The following DNAH9 variants were observed in gnomAD, a reference collection of about 807,000 sequenced individuals.
DNAH9 encodes the protein DNAH9 variant protein.
Under a neutral mutation model 471.6 loss-of-function variants are expected in DNAH9, and 345 were observed. The observed-to-expected ratio is 0.73, with a 90% CI of 0.67 to 0.80. The LOEUF (loss-of-function observed/expected upper bound fraction) is 0.80, where lower values mean the gene tolerates loss of function less well. DNAH9 is among the 30% of genes least tolerant of loss of function. The pLI is 0.00. For missense variants in DNAH9, 5,407 were observed against 5,609.2 expected, an observed-to-expected ratio of 0.96 and a Z score of 1.15; for synonymous variants, 2,093 against 2,123.6, an observed-to-expected ratio of 0.99 and a Z score of 0.40.
chr17:11,703,763 A>G (rs2074644920), intron 24 of DNAH9, among the ~76,000 whole-genome samples: 1 of 152,238 alleles, frequency 6.6e-6, no homozygotes, highest in Non-Finnish European at 1.5e-5. Context: ...TGTGTGCCAC[A>G]GATGATCAGC....
At chr17:11,945,271 T>G (rs1277142001) in intron 67 of DNAH9, among the ~76,000 whole-genome samples, 1 of 152,186 alleles carries the variant, frequency 6.6e-6, no homozygotes, top group Non-Finnish European at 1.5e-5. Context: ...GCTCAGTGGC[T>G]CATGCCTGTA....
intron 63 of DNAH9, among the ~76,000 whole-genome samples, chr17:11,931,703 C>T (rs1261030140): frequency 2.0e-5 from 3 of 152,196 alleles, no homozygotes; most frequent in African/African-American, 7.2e-5. Context: ...CACCCCGGTA[C>T]ATAACATTCT....
intron 23 of DNAH9, 124 bp downstream of exon 23, chr17:11,700,007 C>T (rs1475094923): frequency 1.1e-6 from 1 of 920,102 alleles, no homozygotes; most frequent in Non-Finnish European, 1.6e-6. Flanking sequence ...TCCATGCCCT[C>T]CAAGAGCCAG....
chr17:11,934,653 C>G (rs910808713), intron 65 of DNAH9, among the ~76,000 whole-genome samples: 1 of 151,906 alleles, frequency 6.6e-6, no homozygotes, highest in Admixed American at 6.6e-5. Context: ...GGGGTTTCAC[C>G]CTGTTAGCCA....
At chr17:11,688,775 G>C (rs1013725557) in intron 19 of DNAH9, among the ~76,000 whole-genome samples, 1 of 152,144 alleles carries the variant, frequency 6.6e-6, no homozygotes, top group African/African-American at 2.4e-5. Context: ...TCAAGGTTGG[G>C]CTCCTGAGTC....
chr17:11,611,647 C>T lies in DNAH9; in HGVS notation c.774-3C>T, dbSNP rs184919886. On this transcript the variant is annotated splice_region_variant and splice_polypyrimidine_tract_variant and intron_variant, in intron 3 of 68. Coordinates refer to ENST00000262442, the MANE Select transcript of DNAH9 (RefSeq NM_001372.4). ...GGATTCACCCTTCTTCATGATATTG[C>T]AGGTATGAAGATCTGAAATACATCT... The T allele has an allele frequency of 5.5e-5, 89 of 1,613,382 alleles. No homozygotes were observed. The East Asian group carries it at 1.7e-3, about 32-fold the overall frequency.
chr17:11,795,489 G>A (rs141178074), intron 42 of DNAH9, among the ~76,000 whole-genome samples: 3 of 152,128 alleles, frequency 2.0e-5, no homozygotes, highest in Non-Finnish European at 4.4e-5. Context: ...GAAGATATCT[G>A]CAGTCCATCC....
rs2075394825 is a variant in DNAH9, at chr17:11,738,992, A to G, written c.5927A>G (p.Tyr1976Cys). Residue 1976 changes from tyrosine to cysteine, a missense_variant, in exon 29 of 69, where the codon TAT (tyrosine) becomes TGT (cysteine). Transcript: ENST00000262442. ...VGIFITMNPGYAGRTELPENL... is the reference protein window; with the variant it reads ...VGIFITMNPGCAGRTELPENL... ...ATCTTCATCACCATGAACCCAGGCT[A>G]TGCTGGCCGCACAGAGCTGCCAGAG... 3.1e-6 allele frequency: 5 copies of G among 1,614,156 alleles called. No homozygotes were observed. The highest frequency in any genetic ancestry group is 4.2e-6 in the Non-Finnish European group (5 of 1,179,980).
At chr17:11,838,122 C>T (rs188705780) in intron 49 of DNAH9, among the ~76,000 whole-genome samples, 312 of 152,206 alleles carry the variant, frequency 2.0e-3, no homozygotes, top group African/African-American at 7.3e-3. Flanking sequence ...TTGATATAAC[C>T]ATAATGGGGA....
At chr17:11,960,804 A>T (rs1976084077) in intron 67 of DNAH9, among the ~76,000 whole-genome samples, 1 of 152,100 alleles carries the variant, frequency 6.6e-6, no homozygotes, top group South Asian at 2.1e-4. Context: ...AGTTAGATCT[A>T]GAATTCCATG....
chr17:11,666,392 G>C (rs1256532924), intron 15 of DNAH9, among the ~76,000 whole-genome samples: 3 of 152,188 alleles, frequency 2.0e-5, no homozygotes, highest in African/African-American at 7.2e-5. Flanking sequence ...GTGTCCACTT[G>C]TGGGAAGGAC....
chr17:11,619,274 G>C (rs1180884374), intron 5 of DNAH9, among the ~76,000 whole-genome samples: 54 of 54,530 alleles, frequency 9.9e-4, no homozygotes, highest in Non-Finnish European at 3.4e-4. Flanking sequence ...AAGGGCACCT[G>C]CTCCAGCCCC....
chr17:11,713,210 A>G (rs1036681868), intron 26 of DNAH9, among the ~76,000 whole-genome samples: 2 of 152,130 alleles, frequency 1.3e-5, no homozygotes, highest in African/African-American at 4.8e-5. Flanking sequence ...AACTCCATCC[A>G]TGTTCCTGCA....
chr17:11,639,959 C>T (rs925180091), intron 9 of DNAH9, among the ~76,000 whole-genome samples: 19 of 152,144 alleles, frequency 1.2e-4, no homozygotes, highest in East Asian at 3.9e-4. Flanking sequence ...GCCACGATTG[C>T]GCCACTGCAC....
At chr17:11,630,230 T>G (rs1365513612) in intron 7 of DNAH9, 1 of 152,510 alleles carries the variant, frequency 6.6e-6, no homozygotes, top group Non-Finnish European at 1.5e-5. Flanking sequence ...GTCAAGAGAT[T>G]GAGACCATCC....
At chr17:11,701,689 G>A (rs1439455505) in intron 24 of DNAH9, among the ~76,000 whole-genome samples, 3 of 151,982 alleles carry the variant, frequency 2.0e-5, no homozygotes, top group African/African-American at 7.2e-5. Flanking sequence ...TTTTTTGTTT[G>A]TTTGTTTAAG....
rs762490399 is a variant in DNAH9 at position 11,739,655 on chromosome 17, A to G, written c.5972+618A>G. ...CAAATTACACTCCTCGTAGCGACGC[A>G]TGAGAGCACCTCTTTTATTTCACCC... On this transcript the variant is annotated intron_variant, in intron 29 of 68. Coordinates refer to ENST00000262442, the MANE Select transcript of DNAH9 (RefSeq NM_001372.4). Among the ~76,000 whole-genome samples the G allele has an allele frequency of 1.3e-5, 2 of 152,230 alleles. 1 individual carries two copies. The highest frequency in any genetic ancestry group is 4.1e-4 in the South Asian group (2 of 4,828).
intron 43 of DNAH9, among the ~76,000 whole-genome samples, chr17:11,800,508 C>T (rs1322951964): frequency 1.3e-5 from 2 of 152,176 alleles, no homozygotes; most frequent in Non-Finnish European, 2.9e-5. Flanking sequence ...TTCCTTGCCT[C>T]TTACATTCCT....
chr17:11,940,611 A>T (rs1974874421), intron 66 of DNAH9, among the ~76,000 whole-genome samples: 1 of 152,126 alleles, frequency 6.6e-6, no homozygotes, highest in Admixed American at 6.6e-5. Context: ...CTTTTTTCTA[A>T]CATCAGCTCT....
Sources: gnomAD v4.1 joint callset for allele counts (sites outside exome capture counted in the v4.1 genomes callset) on GRCh38, gnomAD v4.1.1 for gene constraint, MANE v1.5 for transcripts, NCBI Gene and HGNC (gene_info 2026-07-23, HGNC 2026-07-21) for gene names.